Variants in PCDHGA2 observed in about 807,000 individuals in gnomAD.
PCDHGA2 encodes protocadherin gamma subfamily A, 2.
A neutral mutation model predicts 59.2 loss-of-function variants in PCDHGA2; 40 were observed. That is an observed-to-expected ratio of 0.68 (90% CI 0.52 to 0.88). PCDHGA2 has a LOEUF of 0.88. PCDHGA2 is among the 40% of genes least tolerant of loss of function. The pLI, the probability that PCDHGA2 is intolerant of heterozygous loss-of-function variation, is 0.00. For missense variants in PCDHGA2, 1,226 were observed against 1,204.0 expected (o/e 1.02, Z -0.27); for synonymous variants, 560 against 526.0 (o/e 1.06, Z -0.89).
intron 1 of PCDHGA2, among the ~76,000 whole-genome samples, chr5:141,425,629 C>G (rs1297803997): frequency 1.3e-5 from 2 of 152,162 alleles, no homozygotes; most frequent in Admixed American, 1.3e-4. Flanking sequence ...CTCCAGTTTT[C>G]TCTGATAAAA....
intron 1 of PCDHGA2, chr5:141,394,762 G>A: frequency 6.2e-7 from 1 of 1,613,396 alleles, no homozygotes; most frequent in Non-Finnish European, 8.5e-7. Flanking sequence ...CAGGACCATG[G>A]CCAGCCCCCT....
chr5:141,371,377 C>T (rs1767709786), intron 1 of PCDHGA2: 3 of 1,614,006 alleles, frequency 1.9e-6, no homozygotes, highest in Non-Finnish European at 2.5e-6. Flanking sequence ...GGACATCACA[C>T]TGCATATTGT....
At chr5:141,390,433 AT>A (rs1395897313) in intron 1 of PCDHGA2, 1 of 978,654 alleles carries the variant, frequency 1.0e-6, no homozygotes, top group East Asian at 2.6e-5. Context: ...CTGTCATATC[AT>A]TCTACAAAGG....
At chr5:141,451,091 G>A (rs2098706622) in intron 1 of PCDHGA2, among the ~76,000 whole-genome samples, 1 of 151,962 alleles carries the variant, frequency 6.6e-6, no homozygotes, top group South Asian at 2.1e-4. Context: ...ACCTCCCAAA[G>A]TGTTGGGATT....
chr5:141,508,139 G>C (rs1243018384), intron 3 of PCDHGA2: 1 of 152,514 alleles, frequency 6.6e-6, no homozygotes, highest in African/African-American at 2.4e-5. Flanking sequence ...CAGGGAGCTG[G>C]GGGCTGAGTT....
At chr5:141,354,253 T>G (rs929427667) in intron 1 of PCDHGA2, among the ~76,000 whole-genome samples, 2 of 152,350 alleles carry the variant, frequency 1.3e-5, no homozygotes, top group East Asian at 1.9e-4. Context: ...ATTTACCCAT[T>G]GTTTTAGGCT....
chr5:141,372,129 C>T (rs62620756), intron 1 of PCDHGA2: 5 of 1,613,514 alleles, frequency 3.1e-6, no homozygotes, highest in African/African-American at 1.3e-5. Flanking sequence ...CGATATGGTG[C>T]CGCGCTCTGC....
chr5:141,370,306 C>T (rs1766802284), intron 1 of PCDHGA2: 1 of 1,215,888 alleles, frequency 8.2e-7, no homozygotes, highest in Non-Finnish European at 1.1e-6. Context: ...AAAGACAAAG[C>T]AAATAGTTGG....
At position 141,491,645 on chromosome 5, in the gene PCDHGA2, C is replaced by T; in HGVS notation, c.2425-3162C>T. On this transcript the variant is annotated intron_variant, in intron 1 of 3. Transcript: ENST00000394576. The surrounding 1 kb of genome is among the most constrained non-coding windows in gnomAD (Gnocchi z 6.9). ...AGCGTTCAGCAGCCCACAGCTCTGG[C>T]GCTGGAGCCTGACGCCATCCGGTCC... 1.2e-6 allele frequency: 2 copies of T among 1,613,890 alleles called. No homozygotes were observed. Among genetic ancestry groups the T allele is most frequent in the African/African-American group, 1.3e-5 (1 of 75,082 alleles).
intron 1 of PCDHGA2, chr5:141,405,320 C>A (rs1183399090): frequency 6.2e-7 from 1 of 1,614,188 alleles, no homozygotes; most frequent in South Asian, 1.1e-5. Flanking sequence ...GAAAAATGAG[C>A]CTTTGTGCGT....
chr5:141,460,470 A>T (rs2098990057), intron 1 of PCDHGA2, among the ~76,000 whole-genome samples: 1 of 152,110 alleles, frequency 6.6e-6, no homozygotes, highest in South Asian at 2.1e-4. Flanking sequence ...TTTCCAAAGG[A>T]ATATCCAATT....
chr5:141,404,183 G>T lies in PCDHGA2; in HGVS notation c.2424+62788G>T, dbSNP rs759576056. ...CAGATTGTTGACGGCCCAAATTCTT[G>T]ACCGAGAAAAAGCCTCAGAATATAA... On this transcript the variant is annotated intron_variant, in intron 1 of 3. Coordinates refer to ENST00000394576, the MANE Select transcript of PCDHGA2 (RefSeq NM_018915.4). 2.5e-6 allele frequency: 4 copies of T among 1,613,154 alleles called. No individual in the cohort carries two copies. In the South Asian group the frequency reaches 4.4e-5, roughly 18 times the overall value.
At chr5:141,434,830 C>A (rs7703679) in intron 1 of PCDHGA2, among the ~76,000 whole-genome samples, 45,467 of 151,546 alleles carry the variant, frequency 0.3, 8,050 homozygotes, top group African/African-American at 0.5. Flanking sequence ...GTACACTTGG[C>A]ATTTATAAAG....
chr5:141,388,525 C>T (rs780990884), intron 1 of PCDHGA2: 2 of 1,613,854 alleles, frequency 1.2e-6, no homozygotes, highest in Non-Finnish European at 8.5e-7. Flanking sequence ...ACTTTGACTG[C>T]CTTGGACTTT....
At chr5:141,388,594 A>G in intron 1 of PCDHGA2, 1 of 1,613,936 alleles carries the variant, frequency 6.2e-7, no homozygotes, top group Non-Finnish European at 8.5e-7. Context: ...GATGCCAATG[A>G]TAATGCTCCA....
chr5:141,368,727 T>C (rs1004938919), intron 1 of PCDHGA2, among the ~76,000 whole-genome samples: 9 of 152,250 alleles, frequency 5.9e-5, no homozygotes, highest in Non-Finnish European at 1.2e-4. Context: ...ATGTATGTAC[T>C]GTATATACCA....
rs751024373 is a variant in PCDHGA2, at chr5:141,491,801, G to A, written c.2425-3006G>A. On this transcript the variant is annotated intron_variant, in intron 1 of 3. Coordinates refer to ENST00000394576, the MANE Select transcript of PCDHGA2 (RefSeq NM_018915.4). The surrounding 1 kb of genome is among the most constrained non-coding windows in gnomAD (Gnocchi z 6.9). ...AACTTGCATCCACTCCTCTCCGGCC[G>A]GCTTGGTCGCTGGCTGCGCTCCACC... 2.7e-6 allele frequency: 4 copies of A among 1,500,726 alleles called. No homozygotes were observed. The Admixed American group carries it at 7.3e-5, about 28-fold the overall frequency. 93.0% of individuals were successfully genotyped at this position (1,500,726 alleles called of 1,614,324 possible). A position where few individuals can be genotyped will look rare whatever the true frequency, so the allele number is the denominator to read the frequency against.
Position 141,505,420 on chromosome 5 carries a change from C to G in PCDHGA2, c.2511C>G (p.Thr837=), listed in dbSNP as rs1236398971. 6.2e-7 allele frequency: 1 copy of G among 1,614,102 alleles called. No individual in the cohort carries two copies. Among genetic ancestry groups the G allele is most frequent in the Non-Finnish European group, 8.5e-7 (1 of 1,180,034 alleles). ...SGSQNGDDTG[T]WPNNQFDTEM... is the part of the protein sequence containing the mutation. ...CCCAAAATGGCGATGACACCGGCACCTGGCCCAACAACCAGTTTGACACAG... is the reference window on the plus strand; with the variant it reads ...CCCAAAATGGCGATGACACCGGCACGTGGCCCAACAACCAGTTTGACACAG... The change falls in exon 3 of 4, where the codon ACC becomes ACG. Residue 837 remains threonine (T), a synonymous_variant. Coordinates refer to ENST00000394576, the MANE Select transcript of PCDHGA2 (RefSeq NM_018915.4).
Position 141,486,278 on chromosome 5 carries a change from G to C in PCDHGA2, c.2425-8529G>C, listed in dbSNP as rs774763063. On this transcript the variant is annotated intron_variant, in intron 1 of 3. Coordinates refer to ENST00000394576, the MANE Select transcript of PCDHGA2 (RefSeq NM_018915.4). The surrounding 1 kb of genome is among the most constrained non-coding windows in gnomAD (Gnocchi z 5.0). ...CGAGAGTGCAGAACCTGGCACTGTG[G>C]TGGCACTTATCAGTGTGCAGGATCC... is the stretch of plus-strand genomic sequence containing the variant. 4 of 1,613,970 alleles carry C rather than the reference G, an allele frequency of 2.5e-6. No individual in the cohort carries two copies. In the South Asian group the frequency reaches 4.4e-5, roughly 18 times the overall value.
Sources: allele counts gnomAD v4.1 joint callset (sites outside exome capture counted in the v4.1 genomes callset), GRCh38; gene constraint gnomAD v4.1.1; non-coding constraint Gnocchi (gnomAD v3.1); transcripts MANE v1.5; gene names NCBI Gene and HGNC (gene_info 2026-07-23, HGNC 2026-07-21).